The following TTLL5 variants were observed in gnomAD, a reference collection of about 807,000 sequenced individuals.
TTLL5 encodes tubulin tyrosine ligase like 5, also known as tubulin polyglutamylase TTLL5.
In TTLL5, 132 loss-of-function variants were observed where a neutral mutation model predicts 168.4. The ratio of observed to expected loss-of-function variants is 0.78; its 90% CI spans 0.68 to 0.91. The LOEUF (loss-of-function observed/expected upper bound fraction) is 0.91. Ranked by LOEUF, TTLL5 falls within the 40% of genes least tolerant of loss-of-function variation. The pLI, the probability that TTLL5 is intolerant of heterozygous loss-of-function variation, is 0.00. For missense variants in TTLL5, 1,545 were observed against 1,581.5 expected, an observed-to-expected ratio of 0.98 and a Z score of 0.39; for synonymous variants, 546 against 558.6, an observed-to-expected ratio of 0.98 and a Z score of 0.32.
chr14:75,951,136 G>A (rs2034948741), intron 31 of TTLL5, among the ~76,000 whole-genome samples: 1 of 152,100 alleles, frequency 6.6e-6, no homozygotes, highest in Admixed American at 6.5e-5. Context: ...TTGAGCCCAG[G>A]AGTTTTAGAC....
At chr14:75,765,543 A>G (rs1426472420) in intron 19 of TTLL5, among the ~76,000 whole-genome samples, 1 of 152,062 alleles carries the variant, frequency 6.6e-6, no homozygotes, top group Non-Finnish European at 1.5e-5. Context: ...GTATACTTTA[A>G]TGAAGATTAT....
intron 31 of TTLL5, among the ~76,000 whole-genome samples, chr14:75,934,655 T>C (rs2034380761): frequency 6.6e-6 from 1 of 152,064 alleles, no homozygotes; most frequent in South Asian, 2.1e-4. Context: ...AGGGATAAAG[T>C]TTATCATTAG....
At chr14:75,914,033 A>AAAAAAAAAAAAAAAATAT in intron 31 of TTLL5, among the ~76,000 whole-genome samples, 1 of 71,098 alleles carries the variant, frequency 1.4e-5, no homozygotes, top group South Asian at 5.5e-4. Context: ...AAAAAAAAAA[A>AAAAAAAAAAAAAAAATAT]ATATATATAT....
At chr14:75,666,419 C>A (rs1245191988) in intron 2 of TTLL5, among the ~76,000 whole-genome samples, 1 of 152,228 alleles carries the variant, frequency 6.6e-6, no homozygotes, top group Admixed American at 6.5e-5. Flanking sequence ...ATCCCAAATA[C>A]AACTCTGTAT....
At chr14:75,807,769 A>C (rs1274082307) in intron 27 of TTLL5, among the ~76,000 whole-genome samples, 1 of 152,182 alleles carries the variant, frequency 6.6e-6, no homozygotes, top group African/African-American at 2.4e-5. Context: ...ATTAGACGAA[A>C]GTGACCGAAC....
At chr14:75,889,701 G>A (rs2032293761) in intron 30 of TTLL5, among the ~76,000 whole-genome samples, 1 of 151,844 alleles carries the variant, frequency 6.6e-6, no homozygotes, top group African/African-American at 2.4e-5. Context: ...TGGTGGCATG[G>A]CTCCTGTGGT....
chr14:75,701,602 C>A (rs1886280051), intron 7 of TTLL5, among the ~76,000 whole-genome samples: 1 of 152,138 alleles, frequency 6.6e-6, no homozygotes, highest in Non-Finnish European at 1.5e-5. Flanking sequence ...TGGTGATCTC[C>A]CTCTTGGGCA....
At chr14:75,683,728 A>G (rs1458786880) in intron 5 of TTLL5, 72 bp downstream of exon 5, 13 of 1,213,056 alleles carry the variant, frequency 1.1e-5, no homozygotes, top group Non-Finnish European at 1.5e-5. Flanking sequence ...AGCAAAGGTA[A>G]TTAGTGTCCT....
chr14:75,720,428 T>C (rs539685995), intron 11 of TTLL5, among the ~76,000 whole-genome samples, 168 bp from the exon 12 acceptor site: 173 of 152,322 alleles, frequency 1.1e-3, no homozygotes, highest in Non-Finnish European at 1.9e-3. Flanking sequence ...ACTGTATTGA[T>C]CTGTTCACAG....
intron 31 of TTLL5, among the ~76,000 whole-genome samples, chr14:75,943,619 C>T (rs2034679378): frequency 6.6e-6 from 1 of 152,198 alleles, no homozygotes; most frequent in Admixed American, 6.5e-5. Flanking sequence ...AGGAATCCTC[C>T]TCCAACCCAA....
intron 21 of TTLL5, among the ~76,000 whole-genome samples, chr14:75,774,983 C>A (rs1396049087): frequency 6.6e-6 from 1 of 152,006 alleles, no homozygotes; most frequent in Non-Finnish European, 1.5e-5. Context: ...GCCACCATGC[C>A]CAGCCTATTT....
Position 75,901,512 on chromosome 14 carries a change from G to A in TTLL5, c.3741-630G>A, listed in dbSNP as rs145852246. On this transcript the variant is annotated intron_variant, in intron 30 of 31. Transcript: ENST00000298832. The stretch of plus-strand genomic sequence containing the variant: ...GATGCTGTGTACATTTCTCAGTCTT[G>A]CGATTATTGACACCATGGAGTAGAT... Among the ~76,000 whole-genome samples the A allele has an allele frequency of 2.0e-3, 304 of 152,282 alleles. 5 individuals carry two copies. In the East Asian group the frequency reaches 0.05, roughly 25 times the overall value.
chr14:75,873,865 T>C (rs7154451), intron 29 of TTLL5, among the ~76,000 whole-genome samples: 136,151 of 152,170 alleles, frequency 0.89, 61,074 homozygotes, highest in African/African-American at 0.94. Context: ...ACTTAAACCT[T>C]CCGGGCCAGA....
At chr14:75,661,562 C>G (rs1890727562) in intron 1 of TTLL5, 175 bp downstream of exon 1, 1 of 152,308 alleles carries the variant, frequency 6.6e-6, no homozygotes, top group Admixed American at 6.5e-5. Context: ...GGAGCATCTG[C>G]GGACCTACGT....
At chr14:75,811,919 G>A (rs117573192) in intron 27 of TTLL5, among the ~76,000 whole-genome samples, 51 of 152,164 alleles carry the variant, frequency 3.4e-4, no homozygotes, top group Non-Finnish European at 5.9e-4. Context: ...ACACTTGGGC[G>A]GGCCAGCCAC....
At chr14:75,865,965 C>T (rs1044278299) in intron 29 of TTLL5, among the ~76,000 whole-genome samples, 4 of 152,204 alleles carry the variant, frequency 2.6e-5, no homozygotes, top group Non-Finnish European at 4.4e-5. Context: ...TTCTCCCCAA[C>T]ACCCCGAACC....
At chr14:75,663,744 C>A (rs1015872029) in intron 2 of TTLL5, among the ~76,000 whole-genome samples, 9 of 152,118 alleles carry the variant, frequency 5.9e-5, no homozygotes, top group Non-Finnish European at 8.8e-5. Context: ...TTCCTGAGTT[C>A]TTTTAGTTAA....
At chr14:75,805,037 G>A (rs779010326) in intron 27 of TTLL5, among the ~76,000 whole-genome samples, 1 of 152,056 alleles carries the variant, frequency 6.6e-6, no homozygotes, top group Non-Finnish European at 1.5e-5. Flanking sequence ...ACACACCCTT[G>A]TTGGCTCTAG....
At chr14:75,928,425 A>G (rs2034158479) in intron 31 of TTLL5, among the ~76,000 whole-genome samples, 2 of 144,076 alleles carry the variant, frequency 1.4e-5, no homozygotes, top group Admixed American at 7.2e-5. Flanking sequence ...TTTATTTATA[A>G]AATTCATCCA....
Sources: gnomAD v4.1 joint callset for allele counts (sites outside exome capture counted in the v4.1 genomes callset) on GRCh38, gnomAD v4.1.1 for gene constraint, MANE v1.5 for transcripts, NCBI Gene and HGNC (gene_info 2026-07-23, HGNC 2026-07-21) for gene names.